The following NFXL1 variants were observed in gnomAD, a reference collection of about 807,000 sequenced individuals.
NFXL1 encodes the protein NF-X1-type zinc finger protein NFXL1.
In NFXL1, 66 loss-of-function variants were observed where a neutral mutation model predicts 123.3. The observed-to-expected ratio is 0.54, with a 90% CI of 0.44 to 0.66. NFXL1 has a LOEUF of 0.66. Ranked by LOEUF, NFXL1 falls within the 30% of genes least tolerant of loss-of-function variation. NFXL1 has a pLI of 0.00. For synonymous variants in NFXL1, 346 were observed against 360.8 expected, an observed-to-expected ratio of 0.96 and a Z score of 0.46; for missense variants, 944 against 1,125.6, an observed-to-expected ratio of 0.84 and a Z score of 2.31.
In NFXL1 at chr4:47,862,876, G is replaced by A. The variant is rs1214453985; in HGVS notation, c.2286C>T (p.Leu762=). 6.3e-7 allele frequency: 1 copy of A among 1,582,458 alleles called. No homozygotes were observed. The highest frequency in any genetic ancestry group is 1.4e-5 in the African/African-American group (1 of 73,020). Residue 762 remains leucine (L), a synonymous_variant, in exon 19 of 23, where the codon CTC becomes CTT. Transcript: ENST00000507489. Reference sequence around the variant, plus strand: ...TAGGGCACTGATTTTTGCAACAACTGAGGAGGTTCTTTTCATTTACATCAG... The same window carrying A: ...TAGGGCACTGATTTTTGCAACAACTAAGGAGGTTCTTTTCATTTACATCAG... ...TTADVNEKNL[L]SCCKNQCPKE... is the part of the protein sequence containing the mutation.
rs897218540 is a variant in NFXL1, at chr4:47,868,132, G to A, written c.2247-5217C>T. ...AGATAGAGACCATCCTGGCTAACAC[G>A]GTGAAACCCTATCTCTACTAAAAAT... On this transcript the variant is annotated intron_variant, in intron 18 of 22. Coordinates refer to ENST00000507489, the MANE Select transcript of NFXL1 (RefSeq NM_001278624.2). Among the ~76,000 whole-genome samples the A allele has an allele frequency of 7.2e-5, 11 of 152,218 alleles. No individual in the cohort carries two copies. The East Asian group carries it at 1.5e-3, about 21-fold the overall frequency.
intron 18 of NFXL1, among the ~76,000 whole-genome samples, chr4:47,872,389 G>A (rs1735494111): frequency 6.6e-6 from 1 of 151,628 alleles, no homozygotes; most frequent in African/African-American, 2.4e-5. Context: ...TTGAACCCAG[G>A]AGGCAGAGAT....
chr4:47,884,566 AT>A, intron 14 of NFXL1, 129 bp from the exon 15 acceptor site: 1 of 560,232 alleles, frequency 1.8e-6, no homozygotes, highest in East Asian at 3.0e-5. Context: ...TAATCAATAA[AT>A]TGTGCTTACT....
rs757983974 is a variant in NFXL1 at position 47,855,183 on chromosome 4, A to G, written c.2317-20T>C. 1 of 1,359,006 alleles carries G rather than the reference A, an allele frequency of 7.4e-7. No homozygotes were observed. Among genetic ancestry groups the G allele is most frequent in the South Asian group, 1.2e-5 (1 of 81,548 alleles). 84.2% of individuals were successfully genotyped at this position (1,359,006 alleles called of 1,614,324 possible). On this transcript the variant is annotated intron_variant, in intron 19 of 22. Coordinates refer to ENST00000507489, the MANE Select transcript of NFXL1 (RefSeq NM_001278624.2). ...AGGAAGCTAAAATAAAATCAAAATAAAGCAATTACATACTTACATCTTGAT... is the reference window on the plus strand; with the variant it reads ...AGGAAGCTAAAATAAAATCAAAATAGAGCAATTACATACTTACATCTTGAT...
chr4:47,870,638 A>C (rs2110058809), intron 18 of NFXL1, among the ~76,000 whole-genome samples: 1 of 152,292 alleles, frequency 6.6e-6, no homozygotes, highest in South Asian at 2.1e-4. Context: ...TCAACAGCCA[A>C]TTCACTAAAA....
intron 10 of NFXL1, among the ~76,000 whole-genome samples, chr4:47,895,493 T>C (rs1487808287): frequency 6.6e-6 from 1 of 152,218 alleles, no homozygotes; most frequent in Admixed American, 6.5e-5. Flanking sequence ...ACATCAACAC[T>C]TGCTGTTTCA....
intron 3 of NFXL1, among the ~76,000 whole-genome samples, chr4:47,905,860 T>C (rs1737546083): frequency 6.6e-6 from 1 of 152,160 alleles, no homozygotes; most frequent in African/African-American, 2.4e-5. Context: ...CCACATCTCA[T>C]GAAATCATGT....
chr4:47,900,734 G>GT (rs1481661023), intron 5 of NFXL1, among the ~76,000 whole-genome samples: 3 of 152,084 alleles, frequency 2.0e-5, no homozygotes, highest in Admixed American at 6.5e-5. Context: ...GCTAGAACAA[G>GT]TTTCATATTA....
chr4:47,851,094 C>T lies in NFXL1; in HGVS notation c.2562+1G>A. 6.2e-7 allele frequency: 1 copy of T among 1,608,532 alleles called. No individual in the cohort carries two copies. The highest frequency in any genetic ancestry group is 8.5e-7 in the Non-Finnish European group (1 of 1,175,146). The stretch of plus-strand genomic sequence containing the variant: ...TAAATCTGGGTATTTTGTTTGGTTA[C>T]CTGTTGTCTTCGTTTTTCTTCTTCA... On this transcript the variant is annotated splice_donor_variant, in intron 22 of 22. Transcript: ENST00000507489. LOFTEE classifies it high-confidence loss of function.
chr4:47,882,930 C>G (rs1482312789), intron 15 of NFXL1, among the ~76,000 whole-genome samples: 1 of 152,050 alleles, frequency 6.6e-6, no homozygotes, highest in Non-Finnish European at 1.5e-5. Context: ...CCTAATTGTT[C>G]TGGCTAAAAA....
At chr4:47,903,801 A>T (rs2110104042) in intron 4 of NFXL1, among the ~76,000 whole-genome samples, 1 of 152,326 alleles carries the variant, frequency 6.6e-6, no homozygotes, top group African/African-American at 2.4e-5. Flanking sequence ...ATCTCTACAC[A>T]GCCCTTTTGT....
At chr4:47,878,036 G>A (rs955061212) in intron 17 of NFXL1, among the ~76,000 whole-genome samples, 2 of 151,976 alleles carry the variant, frequency 1.3e-5, no homozygotes, top group Non-Finnish European at 2.9e-5. Flanking sequence ...TATACACACA[G>A]AAACACTGCT....
At chr4:47,879,196 C>A in intron 15 of NFXL1, 79 bp from the exon 16 acceptor site, 2 of 568,880 alleles carry the variant, frequency 3.5e-6, no homozygotes, top group South Asian at 3.9e-5. Flanking sequence ...ACTCTACTAG[C>A]ATTAAAAAAA....
intron 17 of NFXL1, among the ~76,000 whole-genome samples, 157 bp downstream of exon 17, chr4:47,878,368 G>A (rs1735879912): frequency 1.3e-5 from 2 of 152,004 alleles, no homozygotes; most frequent in East Asian, 3.8e-4. Flanking sequence ...AGCTGTCTAA[G>A]GCCAGCTGTC....
chr4:47,902,974 T>C (rs893697607), intron 5 of NFXL1, among the ~76,000 whole-genome samples: 2 of 152,122 alleles, frequency 1.3e-5, no homozygotes, highest in African/African-American at 4.8e-5. Flanking sequence ...GCAGACATGG[T>C]GAAACCCTGT....
chr4:47,885,640 T>C lies in NFXL1; in HGVS notation c.1682A>G (p.His561Arg). The C allele has an allele frequency of 1.2e-6, 2 of 1,613,070 alleles. No homozygotes were observed. Among genetic ancestry groups the C allele is most frequent in the South Asian group, 1.1e-5 (1 of 90,894 alleles). Residue 561 changes from histidine (H) to arginine (R), a missense_variant, in exon 14 of 23, where the codon CAT (histidine) becomes CGT (arginine). Physicochemically the swap from His to Arg is conservative, Grantham distance 29. Transcript: ENST00000507489. ...KEQCSRPPTCHHTSQEKHRCH... is the reference protein window; with the variant it reads ...KEQCSRPPTCRHTSQEKHRCH... ...GCGATGTTTTTCTTGACTTGTATGA[T>C]GACAAGTTGGTGGTCGACTAAATCA...
chr4:47,858,719 G>A (rs1043922791), intron 19 of NFXL1, among the ~76,000 whole-genome samples: 3 of 152,142 alleles, frequency 2.0e-5, no homozygotes, highest in Non-Finnish European at 2.9e-5. Flanking sequence ...AAAAGGCAAT[G>A]GTGGTCACCC....
chr4:47,879,008 T>C, intron 16 of NFXL1, 88 bp downstream of exon 16: 3 of 785,428 alleles, frequency 3.8e-6, no homozygotes, highest in South Asian at 3.5e-5. Context: ...ACTTTGACTT[T>C]GTTATTTCTA....
intron 20 of NFXL1, among the ~76,000 whole-genome samples, chr4:47,854,653 G>T (rs1053443230): frequency 6.6e-6 from 1 of 151,944 alleles, no homozygotes; most frequent in Admixed American, 6.6e-5. Flanking sequence ...ATGGTAAAAA[G>T]AATTTCATAA....
Sources: allele counts gnomAD v4.1 joint callset (sites outside exome capture counted in the v4.1 genomes callset), GRCh38; gene constraint gnomAD v4.1.1; transcripts MANE v1.5; gene names NCBI Gene and HGNC (gene_info 2026-07-23, HGNC 2026-07-21).